The following RANBP17 variants were observed in gnomAD, a reference collection of about 807,000 sequenced individuals.
RANBP17 encodes the protein RAN binding protein 17, also known as ran-binding protein 17.
A neutral mutation model predicts 141.2 loss-of-function variants in RANBP17; 158 were observed. The ratio of observed to expected loss-of-function variants is 1.12; its 90% CI spans 0.98 to 1.28. RANBP17 has a LOEUF of 1.28. RANBP17 is among the 50% of genes most tolerant of loss of function. The probability of loss-of-function intolerance (pLI) is 0.00; values close to 1 mark genes in which losing one functional copy is unlikely to be tolerated. For synonymous variants in RANBP17, 430 were observed against 450.0 expected (o/e 0.96, Z 0.56); for missense variants, 1,438 against 1,290.7 (o/e 1.11, Z -1.75).
rs998863838 is a variant in RANBP17, at chr5:170,918,579, TA to T, written c.955-132del. ...GAATCCCTCTATTTTTTTACATTGT[TA>T]ACTACCCAATTGACACAGAGTATTT... On this transcript the variant is annotated intron_variant, in intron 9 of 27. Coordinates refer to ENST00000523189, the MANE Select transcript of RANBP17 (RefSeq NM_022897.5). The T allele has an allele frequency of 1.0e-4, 58 of 565,162 alleles. No individual in the cohort carries two copies. In the African/African-American group the frequency reaches 1.1e-3, roughly 11 times the overall value. 35.0% of individuals were successfully genotyped at this position (565,162 alleles called of 1,614,324 possible).
At chr5:170,993,900 AT>A (rs936628626) in intron 14 of RANBP17, among the ~76,000 whole-genome samples, 1 of 151,936 alleles carries the variant, frequency 6.6e-6, no homozygotes, top group Non-Finnish European at 1.5e-5. Flanking sequence ...TTAAAAAAGG[AT>A]TTTTTTTCCA....
At chr5:170,899,920 G>A (rs1770483190) in intron 5 of RANBP17, among the ~76,000 whole-genome samples, 1 of 152,170 alleles carries the variant, frequency 6.6e-6, no homozygotes, top group Non-Finnish European at 1.5e-5. Flanking sequence ...TGGCTTGCCA[G>A]TATTTTATTG....
intron 14 of RANBP17, among the ~76,000 whole-genome samples, chr5:171,121,616 C>T (rs904663898): frequency 2.0e-5 from 3 of 152,178 alleles, no homozygotes; most frequent in African/African-American, 7.2e-5. Context: ...GGCGGGTTCA[C>T]ACCGGGTGAG....
intron 25 of RANBP17, among the ~76,000 whole-genome samples, chr5:171,269,781 G>A (rs991588069): frequency 6.6e-6 from 1 of 152,156 alleles, no homozygotes; most frequent in Non-Finnish European, 1.5e-5. Context: ...ATAACTTGAG[G>A]TTTCAGTTTT....
chr5:171,259,212 A>G (rs1045218182), intron 24 of RANBP17, among the ~76,000 whole-genome samples: 13 of 152,190 alleles, frequency 8.5e-5, no homozygotes, highest in African/African-American at 2.2e-4. Context: ...TAAAAAGGCA[A>G]AAAAGAGCAG....
chr5:170,867,564 A>G (rs973266984), intron 1 of RANBP17, among the ~76,000 whole-genome samples: 10 of 152,220 alleles, frequency 6.6e-5, no homozygotes, highest in African/African-American at 1.9e-4. Context: ...GTAACTTCAA[A>G]ATGAAGGCAG....
chr5:170,965,791 G>A (rs1269097303), intron 13 of RANBP17, among the ~76,000 whole-genome samples: 1 of 152,084 alleles, frequency 6.6e-6, no homozygotes, highest in Non-Finnish European at 1.5e-5. Flanking sequence ...ATGCTGTTTT[G>A]GTTACTGTAG....
At chr5:171,152,826 A>G (rs965920740) in intron 14 of RANBP17, among the ~76,000 whole-genome samples, 3 of 152,228 alleles carry the variant, frequency 2.0e-5, no homozygotes, top group African/African-American at 7.2e-5. Context: ...TGTGCATTAT[A>G]TCTTAATAAG....
intron 14 of RANBP17, among the ~76,000 whole-genome samples, chr5:170,986,434 C>CG (rs1778145127): frequency 6.6e-6 from 1 of 151,776 alleles, no homozygotes; most frequent in South Asian, 2.1e-4. Flanking sequence ...TTTAAAATCA[C>CG]TAAACAAGTA....
At chr5:171,058,989 ACC>A (rs1783609049) in intron 14 of RANBP17, among the ~76,000 whole-genome samples, 1 of 148,512 alleles carries the variant, frequency 6.7e-6, no homozygotes, top group Admixed American at 6.7e-5. Context: ...CATGTCCTTC[ACC>A]CACTTTTTGA....
intron 3 of RANBP17, among the ~76,000 whole-genome samples, chr5:170,889,829 T>C (rs1227747383): frequency 6.6e-6 from 1 of 152,172 alleles, no homozygotes. Flanking sequence ...GGCTTTTCTC[T>C]ATTAATTGTA....
At chr5:170,946,642 T>A (rs1774783845) in intron 12 of RANBP17, among the ~76,000 whole-genome samples, 1 of 152,196 alleles carries the variant, frequency 6.6e-6, no homozygotes, top group Non-Finnish European at 1.5e-5. Context: ...TTTTTAAGTA[T>A]GTTTCTGTAG....
At chr5:171,294,021 G>A in intron 26 of RANBP17, 40 bp downstream of exon 26, 1 of 1,413,164 alleles carries the variant, frequency 7.1e-7, no homozygotes, top group Non-Finnish European at 1.0e-6. Flanking sequence ...GTGGTCCCTG[G>A]GAGAAGAGAG....
At chr5:170,912,514 T>C (rs963118566) in intron 7 of RANBP17, among the ~76,000 whole-genome samples, 4 of 151,878 alleles carry the variant, frequency 2.6e-5, no homozygotes, top group Admixed American at 2.0e-4. Context: ...CAGAAAGATA[T>C]AAAGAATATG....
At chr5:170,942,559 A>G (rs568049802) in intron 12 of RANBP17, among the ~76,000 whole-genome samples, 3 of 152,248 alleles carry the variant, frequency 2.0e-5, no homozygotes, top group East Asian at 3.9e-4. Flanking sequence ...GTTTAGGAAT[A>G]TATGTATATG....
intron 12 of RANBP17, among the ~76,000 whole-genome samples, chr5:170,931,780 A>G (rs1397625036): frequency 1.3e-5 from 2 of 152,102 alleles, no homozygotes; most frequent in Non-Finnish European, 2.9e-5. Flanking sequence ...CTGTTTTGGT[A>G]CCAGTACCAT....
rs1481367528 is a variant in RANBP17, at chr5:171,186,543, T to TTTTTTTC, written c.2038+3119_2038+3120insCTTTTTT. On this transcript the variant is annotated intron_variant, in intron 18 of 27. Coordinates refer to ENST00000523189, the MANE Select transcript of RANBP17 (RefSeq NM_022897.5). ...ATGATTTTCTTTTTTTTTTTTTTTT[T>TTTTTTTC]TTTTTTTTTTTGAGACGGAGTCTCG... is the stretch of plus-strand genomic sequence containing the variant. Among the ~76,000 whole-genome samples the TTTTTTTC allele has an allele frequency of 5.1e-5, 5 of 98,674 alleles. 1 individual carries two copies. The highest frequency in any genetic ancestry group is 1.1e-4 in the Non-Finnish European group (5 of 46,634). The allele number at this position is 98,674 out of a possible 152,430, so 64.7% of individuals were successfully genotyped here.
Position 171,183,437 on chromosome 5 carries a change from T to C in RANBP17, c.2038+7T>C, listed in dbSNP as rs764328596. The C allele has an allele frequency of 6.3e-7, 1 of 1,588,202 alleles. No individual in the cohort carries two copies. The highest frequency in any genetic ancestry group is 1.1e-5 in the South Asian group (1 of 90,430). ...CTTCTGATGGTAGATCTGGGTAAGGTTAAGAATTTAAACTCAATTAATAAG... is the reference window on the plus strand; with the variant it reads ...CTTCTGATGGTAGATCTGGGTAAGGCTAAGAATTTAAACTCAATTAATAAG... On this transcript the variant is annotated splice_region_variant and intron_variant, in intron 18 of 27. Transcript: ENST00000523189.
rs185830923 is a variant in RANBP17 at position 171,004,292 on chromosome 5, G to A, written c.1710+35915G>A. On this transcript the variant is annotated intron_variant, in intron 14 of 27. Coordinates refer to ENST00000523189, the MANE Select transcript of RANBP17 (RefSeq NM_022897.5). ...GAAGGAGGCTTTGGGTTGGGAAGAA[G>A]GGTGGCAATGAGATGTGGCTGCAGT... Among the ~76,000 whole-genome samples the A allele has an allele frequency of 4.0e-3, 613 of 152,214 alleles. 5 individuals carry two copies. Among genetic ancestry groups the A allele is most frequent in the African/African-American group, 0.014 (591 of 41,508 alleles).
Sources: allele counts gnomAD v4.1 joint callset (sites outside exome capture counted in the v4.1 genomes callset), GRCh38; gene constraint gnomAD v4.1.1; transcripts MANE v1.5; gene names NCBI Gene and HGNC (gene_info 2026-07-23, HGNC 2026-07-21).